Variants in CACNA1C observed in about 807,000 individuals in gnomAD.
CACNA1C encodes the protein calcium voltage-gated channel subunit alpha1 C, also known as voltage-dependent L-type calcium channel subunit alpha-1C.
Under a neutral mutation model 229.0 loss-of-function variants are expected in CACNA1C, and 30 were observed. That is an observed-to-expected ratio of 0.13 (90% CI 0.10 to 0.18). CACNA1C has a LOEUF of 0.18. CACNA1C is among the 10% of genes least tolerant of loss of function. The pLI, the probability that CACNA1C is intolerant of heterozygous loss-of-function variation, is 1.00. For missense variants in CACNA1C, 1,658 were observed against 2,845.0 expected (o/e 0.58, Z 9.49); for synonymous variants, 1,114 against 1,132.5 (o/e 0.98, Z 0.33).
At chr12:2,321,137 C>T (rs1051012292) in intron 3 of CACNA1C, among the ~76,000 whole-genome samples, 1 of 152,152 alleles carries the variant, frequency 6.6e-6, no homozygotes, top group Non-Finnish European at 1.5e-5. Context: ...GCTCAGGCAG[C>T]CAGTGTCACC....
intron 30 of CACNA1C, chr12:2,641,875 GAGTT>G: frequency 3.0e-6 from 2 of 672,010 alleles, no homozygotes; most frequent in South Asian, 3.2e-5. Context: ...GCCCTTGAGA[GAGTT>G]AGCAGAGCCA....
intron 30 of CACNA1C, 92 bp from the exon 31 acceptor site, chr12:2,648,383 C>A: frequency 8.4e-7 from 1 of 1,189,564 alleles, no homozygotes; most frequent in Non-Finnish European, 1.3e-6. Context: ...TCTTCTGCCA[C>A]TGTGTTGCTC....
chr12:2,624,184 T>A (rs1428302377), intron 29 of CACNA1C, among the ~76,000 whole-genome samples: 3 of 152,228 alleles, frequency 2.0e-5, no homozygotes, highest in African/African-American at 2.4e-5. Context: ...TCCACAGACC[T>A]AGTGTTCTAC....
rs188206786 is a variant in CACNA1C at position 2,348,458 on chromosome 12, C to T, written c.478-100518C>T. 7.9e-5 allele frequency among the ~76,000 whole-genome samples: 12 copies of T among 152,304 alleles called. No homozygotes were observed. In the East Asian group the frequency reaches 1.2e-3, roughly 15 times the overall value. On this transcript the variant is annotated intron_variant, in intron 3 of 46. Coordinates refer to ENST00000399655, the MANE Select transcript of CACNA1C (RefSeq NM_000719.7). This position sits in a 1 kb window ranked among gnomAD's most constrained non-coding sequence, Gnocchi z 4.7. The stretch of plus-strand genomic sequence containing the variant: ...ATGTAAGAACCCCCTTTCCCGTTGG[C>T]GTGTATGGTGTCTTCTCGCTGAGCC...
At chr12:1,997,450 G>T in intron 1 of CACNA1C, among the ~76,000 whole-genome samples, 1 of 152,250 alleles carries the variant, frequency 6.6e-6, no homozygotes, top group East Asian at 1.9e-4. Flanking sequence ...AACTCAGGAG[G>T]CAGAGGTTGC....
At chr12:2,113,981 C>T (rs555699882) in intron 1 of CACNA1C, among the ~76,000 whole-genome samples, 3 of 152,326 alleles carry the variant, frequency 2.0e-5, no homozygotes, top group African/African-American at 7.2e-5. Flanking sequence ...GTCCCTCTCC[C>T]CTACCCCATC....
intron 3 of CACNA1C, among the ~76,000 whole-genome samples, chr12:2,386,237 C>G (rs1054888796): frequency 9.9e-5 from 15 of 152,156 alleles, no homozygotes; most frequent in Admixed American, 9.8e-4. Context: ...CCCCTGCCCC[C>G]CAACAAGTCA....
At chr12:2,569,676 T>C (rs2053296741) in intron 13 of CACNA1C, among the ~76,000 whole-genome samples, 1 of 152,252 alleles carries the variant, frequency 6.6e-6, no homozygotes, top group Non-Finnish European at 1.5e-5. Flanking sequence ...ATACTACATT[T>C]TGTGTATTCA....
At position 2,499,606 on chromosome 12, in the gene CACNA1C, T is replaced by C. The variant is rs147849859; in HGVS notation, c.1114-5236T>C. Reference sequence around the variant, plus strand: ...GTCTTTGATAGTGTTCATTCAATGCTCCCTCCCTTTGTAGTGAGGCTGTTT... The same window carrying C: ...GTCTTTGATAGTGTTCATTCAATGCCCCCTCCCTTTGTAGTGAGGCTGTTT... On this transcript the variant is annotated intron_variant, in intron 7 of 46. Transcript: ENST00000399655. Among the ~76,000 whole-genome samples the C allele has an allele frequency of 1.4e-3, 211 of 152,306 alleles. 1 individual carries two copies. The highest frequency in any genetic ancestry group is 4.8e-3 in the African/African-American group (201 of 41,570).
At chr12:2,222,792 A>G (rs1599650582) in intron 3 of CACNA1C, among the ~76,000 whole-genome samples, 1 of 152,184 alleles carries the variant, frequency 6.6e-6, no homozygotes, top group African/African-American at 2.4e-5. Flanking sequence ...TTTCTCATTC[A>G]CTGGAAAACT....
chr12:2,494,975 C>T (rs1394476284), intron 7 of CACNA1C, among the ~76,000 whole-genome samples: 4 of 152,152 alleles, frequency 2.6e-5, no homozygotes, highest in Admixed American at 2.0e-4. Context: ...TTATCTCAGT[C>T]TAGGAAGCCA....
At chr12:2,451,973 A>G (rs900564286) in intron 4 of CACNA1C, among the ~76,000 whole-genome samples, 1 of 152,162 alleles carries the variant, frequency 6.6e-6, no homozygotes, top group African/African-American at 2.4e-5. Flanking sequence ...TGCAGGGTGC[A>G]GCTTACCACC....
intron 15 of CACNA1C, 39 bp downstream of exon 15, chr12:2,582,981 GC>G (rs1195467050): frequency 1.3e-5 from 18 of 1,379,472 alleles, no homozygotes; most frequent in Admixed American, 2.0e-5. Flanking sequence ...GCGGCCCCCA[GC>G]CCCCAGCCTG....
intron 1 of CACNA1C, chr12:1,993,314 T>A (rs1283896659): frequency 6.2e-7 from 1 of 1,614,106 alleles, no homozygotes; most frequent in Non-Finnish European, 8.5e-7. Flanking sequence ...GAAATCCAAG[T>A]CTTTAGTAAT....
chr12:2,249,083 G>A (rs2074507131), intron 3 of CACNA1C, among the ~76,000 whole-genome samples: 1 of 152,302 alleles, frequency 6.6e-6, no homozygotes, highest in South Asian at 2.1e-4. Context: ...TCAGTAGAGA[G>A]GTAAGGAGGT....
chr12:2,320,688 G>A (rs962030177), intron 3 of CACNA1C, among the ~76,000 whole-genome samples: 3 of 152,148 alleles, frequency 2.0e-5, no homozygotes, highest in Admixed American at 6.5e-5. Context: ...CCCCTCCAAG[G>A]CCACCTCTTC....
At chr12:2,140,985 G>T (rs1262408442) in intron 3 of CACNA1C, among the ~76,000 whole-genome samples, 2 of 151,162 alleles carry the variant, frequency 1.3e-5, no homozygotes, top group South Asian at 4.2e-4. Context: ...GAGCGGGTAG[G>T]CAGGGAGGGT....
At chr12:2,395,226 T>TC in intron 3 of CACNA1C, among the ~76,000 whole-genome samples, 1 of 150,906 alleles carries the variant, frequency 6.6e-6, no homozygotes, top group East Asian at 1.9e-4. Context: ...TTTTTTTTTT[T>TC]TTAAATATTT....
chr12:2,107,363 G>A (rs564568198), intron 1 of CACNA1C, among the ~76,000 whole-genome samples: 21 of 54,430 alleles, frequency 3.9e-4, no homozygotes, highest in African/African-American at 1.3e-3. Flanking sequence ...CGCCCACCCC[G>A]GGGAGGGTTT....
Sources: gnomAD v4.1 joint callset for allele counts (sites outside exome capture counted in the v4.1 genomes callset) on GRCh38, gnomAD v4.1.1 for gene constraint, Gnocchi (gnomAD v3.1) non-coding constraint, MANE v1.5 for transcripts, NCBI Gene and HGNC (gene_info 2026-07-23, HGNC 2026-07-21) for gene names.